Variants in PDE11A observed in about 807,000 individuals in gnomAD.
The protein encoded by PDE11A is dual 3',5'-cyclic-AMP and -GMP phosphodiesterase 11A.
Under a neutral mutation model 100.5 loss-of-function variants are expected in PDE11A, and 100 were observed. The observed-to-expected ratio is 1.00, with a 90% CI of 0.85 to 1.18. The LOEUF (loss-of-function observed/expected upper bound fraction) is 1.18, where lower values mean the gene tolerates loss of function less well. PDE11A is among the 50% of genes most tolerant of loss of function. The probability of loss-of-function intolerance (pLI) is 0.00; values close to 1 mark genes in which losing one functional copy is unlikely to be tolerated. For synonymous variants in PDE11A, 381 were observed against 420.8 expected, an observed-to-expected ratio of 0.91 and a Z score of 1.16; for missense variants, 1,141 against 1,152.6, an observed-to-expected ratio of 0.99 and a Z score of 0.15.
At chr2:177,984,980 A>G (rs1312542117) in intron 2 of PDE11A, among the ~76,000 whole-genome samples, 3 of 152,226 alleles carry the variant, frequency 2.0e-5, no homozygotes, top group Non-Finnish European at 4.4e-5. Context: ...CTGTGTCTCT[A>G]TGTAGTTGTT....
At chr2:177,632,162 A>T (rs990997936) in intron 19 of PDE11A, among the ~76,000 whole-genome samples, 5 of 152,230 alleles carry the variant, frequency 3.3e-5, no homozygotes, top group African/African-American at 1.2e-4. Context: ...ATAAAAGGGA[A>T]GCTCTTAAAG....
intron 9 of PDE11A, among the ~76,000 whole-genome samples, chr2:177,807,841 G>T (rs190913225): frequency 6.6e-6 from 1 of 152,126 alleles, no homozygotes; most frequent in Admixed American, 6.5e-5. Flanking sequence ...ATATCTACAC[G>T]ATTACTACTG....
At position 178,055,241 on chromosome 2, in the gene PDE11A, G is replaced by A. The variant is rs13409258; in HGVS notation, c.912+16285C>T. ...AAACCATCATTGTGAGCAAACTATC[G>A]CAAGGACAGAAAACCAAACATTGCA... is the stretch of plus-strand genomic sequence containing the variant. On this transcript the variant is annotated intron_variant, in intron 1 of 19. Coordinates refer to ENST00000286063, the MANE Select transcript of PDE11A (RefSeq NM_016953.4). 1.0e-2 allele frequency among the ~76,000 whole-genome samples: 1,507 copies of A among 151,362 alleles called. 20 individuals are homozygous for A. Among genetic ancestry groups the A allele is most frequent in the African/African-American group, 0.035 (1,426 of 41,232 alleles).
At chr2:177,851,498 C>A (rs1052427302) in intron 5 of PDE11A, among the ~76,000 whole-genome samples, 10 of 152,056 alleles carry the variant, frequency 6.6e-5, no homozygotes, top group Admixed American at 2.0e-4. Context: ...AACAAACCTG[C>A]ACGTTGTGCA....
intron 2 of PDE11A, among the ~76,000 whole-genome samples, chr2:177,920,717 C>T (rs1465130419): frequency 6.6e-6 from 1 of 152,024 alleles, no homozygotes; most frequent in African/African-American, 2.4e-5. Flanking sequence ...ATTTATTATA[C>T]TTAAAAATAG....
intron 5 of PDE11A, among the ~76,000 whole-genome samples, chr2:177,855,236 G>C (rs1402152045): frequency 6.6e-6 from 1 of 152,018 alleles, no homozygotes; most frequent in Non-Finnish European, 1.5e-5. Flanking sequence ...GTGTAAGTTT[G>C]ACTTACATTC....
At chr2:178,019,551 AT>A (rs1356601973) in intron 1 of PDE11A, among the ~76,000 whole-genome samples, 5 of 152,206 alleles carry the variant, frequency 3.3e-5, no homozygotes, top group African/African-American at 1.2e-4. Context: ...ATGTAGTAAA[AT>A]ATTAAGATTT....
chr2:177,769,232 G>T, intron 10 of PDE11A, 91 bp downstream of exon 10: 1 of 810,648 alleles, frequency 1.2e-6, no homozygotes, highest in Non-Finnish European at 2.2e-6. Context: ...CCAATGGGCA[G>T]GATTAATTCT....
At chr2:177,908,590 T>C (rs1178288736) in intron 2 of PDE11A, among the ~76,000 whole-genome samples, 1 of 152,142 alleles carries the variant, frequency 6.6e-6, no homozygotes, top group Non-Finnish European at 1.5e-5. Flanking sequence ...TATGTTTTAA[T>C]GAGACACAGA....
chr2:177,642,311 A>G (rs2080155777), intron 19 of PDE11A, among the ~76,000 whole-genome samples: 1 of 152,222 alleles, frequency 6.6e-6, no homozygotes, highest in Non-Finnish European at 1.5e-5. Context: ...AAAAGAGTGA[A>G]CAGGGTTCAA....
chr2:177,987,219 C>A (rs2085951065), intron 2 of PDE11A, among the ~76,000 whole-genome samples: 1 of 152,138 alleles, frequency 6.6e-6, no homozygotes, highest in Admixed American at 6.5e-5. Context: ...AGGCAGAGGA[C>A]TCTCTAACCC....
intron 19 of PDE11A, among the ~76,000 whole-genome samples, chr2:177,643,259 G>A (rs982488956): frequency 3.9e-5 from 6 of 152,186 alleles, no homozygotes; most frequent in African/African-American, 1.4e-4. Context: ...GGAAAGTTTG[G>A]AACTCCCTAA....
chr2:177,925,440 T>A (rs2085113045), intron 2 of PDE11A, among the ~76,000 whole-genome samples: 1 of 151,998 alleles, frequency 6.6e-6, no homozygotes, highest in South Asian at 2.1e-4. Context: ...TGTGAGATGG[T>A]ATCTCATTGT....
chr2:177,730,664 T>C (rs2081672912), intron 10 of PDE11A, among the ~76,000 whole-genome samples: 1 of 152,154 alleles, frequency 6.6e-6, no homozygotes, highest in African/African-American at 2.4e-5. Context: ...TTCCTTTTTA[T>C]GTATTTTTAA....
intron 2 of PDE11A, among the ~76,000 whole-genome samples, chr2:177,960,424 T>C (rs1161908092): frequency 1.3e-5 from 2 of 152,194 alleles, no homozygotes; most frequent in Admixed American, 1.3e-4. Flanking sequence ...TCATTATTTA[T>C]GAGTATTTTT....
At chr2:177,636,173 T>C (rs1301732052) in intron 19 of PDE11A, among the ~76,000 whole-genome samples, 1 of 152,104 alleles carries the variant, frequency 6.6e-6, no homozygotes, top group Non-Finnish European at 1.5e-5. Flanking sequence ...ACAGAAACCA[T>C]AGCTACTGTT....
At chr2:177,772,003 A>G (rs1362383088) in intron 9 of PDE11A, among the ~76,000 whole-genome samples, 2 of 151,254 alleles carry the variant, frequency 1.3e-5, no homozygotes, top group South Asian at 2.1e-4. Context: ...CTCTGTCTCA[A>G]TAAATAAATA....
At position 177,705,813 on chromosome 2, in the gene PDE11A, G is replaced by A. The variant is rs115089502; in HGVS notation, c.2154-4602C>T. Among the ~76,000 whole-genome samples the A allele has an allele frequency of 2.7e-3, 405 of 152,300 alleles. 2 individuals carry two copies. The highest frequency in any genetic ancestry group is 0.01 in the Middle Eastern group (3 of 294). On this transcript the variant is annotated intron_variant, in intron 13 of 19. Transcript: ENST00000286063. ...AATGTGCCCCAGTATTTCACTTCTG[G>A]GACCTGGCCGAAAGCGACAAGATGG...
chr2:177,845,378 C>T (rs1007397093), intron 5 of PDE11A, among the ~76,000 whole-genome samples: 3 of 150,286 alleles, frequency 2.0e-5, no homozygotes, highest in African/African-American at 7.4e-5. Flanking sequence ...AGAGGCGCTC[C>T]TCACATCCCA....
Sources: allele counts gnomAD v4.1 joint callset (sites outside exome capture counted in the v4.1 genomes callset), GRCh38; gene constraint gnomAD v4.1.1; transcripts MANE v1.5; gene names NCBI Gene and HGNC (gene_info 2026-07-23, HGNC 2026-07-21).